MGAT4C: variants seen among roughly 807,000 people sequenced by gnomAD.
MGAT4C encodes the protein alpha-1,3-mannosyl-glycoprotein 4-beta-N-acetylglucosaminyltransferase C.
In MGAT4C, 19 loss-of-function variants were observed where a neutral mutation model predicts 40.1. The ratio of observed to expected loss-of-function variants is 0.47; its 90% CI spans 0.33 to 0.70. The LOEUF (loss-of-function observed/expected upper bound fraction) is 0.70, where lower values mean the gene tolerates loss of function less well. Ranked by LOEUF, MGAT4C falls within the 30% of genes least tolerant of loss-of-function variation. MGAT4C has a pLI of 0.02. For synonymous variants in MGAT4C, 181 were observed against 187.1 expected, an observed-to-expected ratio of 0.97 and a Z score of 0.27; for missense variants, 491 against 563.2, an observed-to-expected ratio of 0.87 and a Z score of 1.30.
At chr12:86,603,641 A>G (rs1284051764) in intron 2 of MGAT4C, among the ~76,000 whole-genome samples, 1 of 126,546 alleles carries the variant, frequency 7.9e-6, no homozygotes, top group Non-Finnish European at 1.6e-5. Flanking sequence ...GACTATATAT[A>G]GTATATATTA....
At chr12:86,024,397 A>G (rs1890062743) in intron 2 of MGAT4C, among the ~76,000 whole-genome samples, 1 of 151,844 alleles carries the variant, frequency 6.6e-6, no homozygotes, top group Non-Finnish European at 1.5e-5. Flanking sequence ...TGCAAAAAAT[A>G]TAGAGCAAAA....
intron 4 of MGAT4C, among the ~76,000 whole-genome samples, chr12:86,261,599 C>G (rs552418170): frequency 6.6e-6 from 1 of 152,186 alleles, no homozygotes; most frequent in East Asian, 1.9e-4. Flanking sequence ...TATTTTGCAA[C>G]CCGTGTATCT....
intron 2 of MGAT4C, among the ~76,000 whole-genome samples, chr12:86,597,470 T>A (rs1961586814): frequency 6.6e-6 from 1 of 152,258 alleles, no homozygotes; most frequent in Non-Finnish European, 1.5e-5. Flanking sequence ...GTTGTCTGAC[T>A]GGATTTCCCA....
intron 2 of MGAT4C, among the ~76,000 whole-genome samples, chr12:86,677,556 A>G (rs1949889781): frequency 6.6e-6 from 1 of 152,176 alleles, no homozygotes; most frequent in Non-Finnish European, 1.5e-5. Context: ...AAACTTTTAA[A>G]ACATTAATAT....
chr12:86,418,704 A>G (rs1434898227), intron 3 of MGAT4C, among the ~76,000 whole-genome samples: 1 of 152,158 alleles, frequency 6.6e-6, no homozygotes, highest in African/African-American at 2.4e-5. Context: ...AGAATATTGC[A>G]AAGAACTGAG....
intron 2 of MGAT4C, among the ~76,000 whole-genome samples, chr12:86,486,420 A>ACACACAC: frequency 6.9e-6 from 1 of 145,692 alleles, no homozygotes; most frequent in East Asian, 2.0e-4. Flanking sequence ...ACACACACAC[A>ACACACAC]AAAGAGCATG....
intron 1 of MGAT4C, among the ~76,000 whole-genome samples, chr12:86,754,722 A>G (rs1449969105): frequency 1.3e-4 from 20 of 152,140 alleles, no homozygotes; most frequent in Admixed American, 1.3e-3. Flanking sequence ...TATTCCCAAT[A>G]TATCCATCTC....
At chr12:86,126,879 AGGG>A (rs1880364279) in intron 1 of MGAT4C, among the ~76,000 whole-genome samples, 1 of 152,118 alleles carries the variant, frequency 6.6e-6, no homozygotes, top group African/African-American at 2.4e-5. Flanking sequence ...ATGGACGGAT[AGGG>A]GTGGGCAGTG....
At chr12:86,220,479 A>G (rs1950836776) in intron 1 of MGAT4C, among the ~76,000 whole-genome samples, 1 of 152,226 alleles carries the variant, frequency 6.6e-6, no homozygotes, top group Non-Finnish European at 1.5e-5. Flanking sequence ...AAGATAATTC[A>G]GTGGTTTGTA....
chr12:86,222,098 C>A (rs1219948955), intron 1 of MGAT4C, among the ~76,000 whole-genome samples: 1 of 152,080 alleles, frequency 6.6e-6, no homozygotes, highest in Non-Finnish European at 1.5e-5. Flanking sequence ...CAGACATAAT[C>A]CACAGTATAA....
At chr12:86,101,460 G>A (rs962117935) in intron 1 of MGAT4C, among the ~76,000 whole-genome samples, 4 of 151,804 alleles carry the variant, frequency 2.6e-5, no homozygotes, top group African/African-American at 9.7e-5. Flanking sequence ...AGATGAGGGA[G>A]TTGAGATAGT....
intron 1 of MGAT4C, among the ~76,000 whole-genome samples, chr12:86,147,280 C>T (rs929513035): frequency 6.6e-6 from 1 of 151,620 alleles, no homozygotes; most frequent in Non-Finnish European, 1.5e-5. Context: ...CTCGCTCTGT[C>T]GCCCAGGCTG....
chr12:86,781,419 GATAGT>G (rs1441585709), intron 1 of MGAT4C, among the ~76,000 whole-genome samples: 2 of 151,984 alleles, frequency 1.3e-5, no homozygotes, highest in Non-Finnish European at 2.9e-5. Context: ...AAAAGAAAAT[GATAGT>G]ATAGAAGATT....
At chr12:86,621,410 A>G (rs933862443) in intron 2 of MGAT4C, among the ~76,000 whole-genome samples, 6 of 152,162 alleles carry the variant, frequency 3.9e-5, no homozygotes, top group Non-Finnish European at 8.8e-5. Context: ...AGTGACCACA[A>G]CTTACTATAT....
rs916043989 is a variant in MGAT4C at position 85,971,140 on chromosome 12, GAT to G, written c.*8147_*8148del. Reference sequence around the variant, plus strand: ...TAATTATTCATAAAAAATTAACATTGATATATATATTCATAAGGATAAAAGAT... The same window carrying G: ...TAATTATTCATAAAAAATTAACATTGATATATATTCATAAGGATAAAAGAT... On this transcript the variant is annotated 3_prime_UTR_variant, in exon 5 of 5. Coordinates refer to ENST00000611864, the MANE Select transcript of MGAT4C (RefSeq NM_001351288.2). 9.9e-5 allele frequency: 15 copies of G among 150,940 alleles called. No individual in the cohort carries two copies. Among genetic ancestry groups the G allele is most frequent in the East Asian group, 3.9e-4 (2 of 5,166 alleles). The allele number at this position is 150,940 out of a possible 1,614,324, so 9.4% of individuals were successfully genotyped here.
At chr12:86,663,279 G>A (rs1373840306) in intron 2 of MGAT4C, among the ~76,000 whole-genome samples, 1 of 145,918 alleles carries the variant, frequency 6.9e-6, no homozygotes, top group African/African-American at 2.6e-5. Flanking sequence ...AGGATTACCT[G>A]AGCCCTGGAG....
At chr12:86,074,930 T>C (rs1869381742) in intron 1 of MGAT4C, among the ~76,000 whole-genome samples, 1 of 152,154 alleles carries the variant, frequency 6.6e-6, no homozygotes, top group Non-Finnish European at 1.5e-5. Flanking sequence ...GAAGCTACAA[T>C]TCAAAATGAG....
At chr12:86,103,915 T>C (rs1875613618) in intron 1 of MGAT4C, among the ~76,000 whole-genome samples, 1 of 144,588 alleles carries the variant, frequency 6.9e-6, no homozygotes, top group South Asian at 2.2e-4. Flanking sequence ...AAAAATTTGA[T>C]GAACAAATTA....
At chr12:86,477,748 C>T (rs1036775575) in intron 2 of MGAT4C, among the ~76,000 whole-genome samples, 13 of 151,968 alleles carry the variant, frequency 8.6e-5, no homozygotes, top group Admixed American at 2.0e-4. Context: ...TTCCCCTCTC[C>T]CCACACCCCA....
Sources: gnomAD v4.1 joint callset for allele counts (sites outside exome capture counted in the v4.1 genomes callset) on GRCh38, gnomAD v4.1.1 for gene constraint, MANE v1.5 for transcripts, NCBI Gene and HGNC (gene_info 2026-07-23, HGNC 2026-07-21) for gene names.